The following RALYL variants were observed in gnomAD, a reference collection of about 807,000 sequenced individuals.
RALYL encodes RNA-binding Raly-like protein.
A neutral mutation model predicts 35.1 loss-of-function variants in RALYL; 29 were observed. The ratio of observed to expected loss-of-function variants is 0.83; its 90% CI spans 0.61 to 1.13. The LOEUF (loss-of-function observed/expected upper bound fraction) is 1.13. RALYL is among the 50% of genes most tolerant of loss of function. The pLI is 0.00. For synonymous variants in RALYL, 120 were observed against 127.6 expected (o/e 0.94, Z 0.40); for missense variants, 359 against 360.4 (o/e 1.00, Z 0.03).
At chr8:84,350,191 T>C (rs1054082214) in intron 1 of RALYL, among the ~76,000 whole-genome samples, 1 of 150,324 alleles carries the variant, frequency 6.7e-6, no homozygotes, top group South Asian at 2.1e-4. Context: ...ATGACCAATA[T>C]CCACCACAGT....
intron 4 of RALYL, among the ~76,000 whole-genome samples, chr8:84,836,979 G>A (rs1832149530): frequency 6.6e-6 from 1 of 152,074 alleles, no homozygotes; most frequent in Non-Finnish European, 1.5e-5. Flanking sequence ...CAGATTTCTT[G>A]ATCATCTAGA....
chr8:84,683,116 G>A (rs990772869), intron 2 of RALYL, among the ~76,000 whole-genome samples: 2 of 152,124 alleles, frequency 1.3e-5, no homozygotes, highest in African/African-American at 4.8e-5. Context: ...AGTCATTCAG[G>A]AGCAGGTTTT....
At position 84,838,697 on chromosome 8, in the gene RALYL, C is replaced by CA. The variant is rs60122835; in HGVS notation, c.366-11275dup. ...ATACATCTTAGCAGTCAGGATTGAA[C>CA]AAAAAAAAGCAGGTTGGACAAGATA... On this transcript the variant is annotated intron_variant, in intron 4 of 8. Coordinates refer to ENST00000521268, the MANE Select transcript of RALYL (RefSeq NM_173848.7). Among the ~76,000 whole-genome samples, 475 of 151,316 alleles carry CA rather than the reference C, an allele frequency of 3.1e-3. 2 individuals carry two copies. Among genetic ancestry groups the CA allele is most frequent in the African/African-American group, 0.011 (434 of 41,294 alleles).
chr8:84,447,205 GTTCTGAGGAC>G (rs1336152914), intron 1 of RALYL, among the ~76,000 whole-genome samples: 1 of 151,966 alleles, frequency 6.6e-6, no homozygotes, highest in African/African-American at 2.4e-5. Flanking sequence ...GTTGGATTTG[GTTCTGAGGAC>G]TTCTGTGCCA....
At chr8:84,489,040 T>C (rs1423997464) in intron 1 of RALYL, among the ~76,000 whole-genome samples, 1 of 152,024 alleles carries the variant, frequency 6.6e-6, no homozygotes, top group East Asian at 1.9e-4. Flanking sequence ...GATATCCACG[T>C]GTATTCACTA....
At chr8:84,813,223 T>G (rs1826322685) in intron 4 of RALYL, among the ~76,000 whole-genome samples, 2 of 152,100 alleles carry the variant, frequency 1.3e-5, no homozygotes, top group Non-Finnish European at 2.9e-5. Flanking sequence ...GAGAGGAGGA[T>G]CTCCCTTTCC....
intron 4 of RALYL, among the ~76,000 whole-genome samples, chr8:84,844,683 A>G (rs1213514659): frequency 1.3e-5 from 2 of 152,088 alleles, no homozygotes; most frequent in Non-Finnish European, 2.9e-5. Flanking sequence ...TGTTTATTGC[A>G]GCACTATTCA....
chr8:84,741,618 C>T (rs1807329937), intron 2 of RALYL, among the ~76,000 whole-genome samples: 1 of 151,950 alleles, frequency 6.6e-6, no homozygotes, highest in Non-Finnish European at 1.5e-5. Flanking sequence ...GCACTTATGA[C>T]TTAATCACCT....
chr8:84,777,071 T>C (rs375617571), intron 3 of RALYL, among the ~76,000 whole-genome samples: 7 of 152,262 alleles, frequency 4.6e-5, no homozygotes, highest in African/African-American at 1.7e-4. Context: ...GGACAAACTA[T>C]GCTTTCATAG....
chr8:84,296,224 G>A (rs1423805101), intron 1 of RALYL, among the ~76,000 whole-genome samples: 1 of 152,064 alleles, frequency 6.6e-6, no homozygotes, highest in Non-Finnish European at 1.5e-5. Flanking sequence ...TAACTTCAGG[G>A]TGTATAACCA....
intron 2 of RALYL, among the ~76,000 whole-genome samples, chr8:84,640,404 C>T (rs1025039261): frequency 5.9e-5 from 9 of 151,870 alleles, no homozygotes; most frequent in African/African-American, 2.2e-4. Flanking sequence ...ATTTACATAA[C>T]CTGAAAATTA....
chr8:84,206,740 G>A (rs964429455), intron 1 of RALYL, among the ~76,000 whole-genome samples: 4 of 152,124 alleles, frequency 2.6e-5, no homozygotes, highest in African/African-American at 7.2e-5. Flanking sequence ...ATTGTGGCGC[G>A]ACATTTAATC....
intron 2 of RALYL, among the ~76,000 whole-genome samples, chr8:84,530,531 A>G (rs2059210656): frequency 1.3e-5 from 2 of 152,000 alleles, no homozygotes; most frequent in Admixed American, 1.3e-4. Flanking sequence ...CCCATCATCA[A>G]GTTCGCTTGT....
chr8:84,718,434 C>T (rs1287505020), intron 2 of RALYL, among the ~76,000 whole-genome samples: 3 of 152,070 alleles, frequency 2.0e-5, no homozygotes, highest in Non-Finnish European at 4.4e-5. Flanking sequence ...ATAGTAAAGA[C>T]AGATTTTTTA....
intron 1 of RALYL, among the ~76,000 whole-genome samples, chr8:84,187,876 GT>G (rs747536188): frequency 2.0e-5 from 3 of 151,950 alleles, no homozygotes; most frequent in Non-Finnish European, 2.9e-5. Flanking sequence ...GTCATGTTTT[GT>G]TTACTGTTTA....
intron 1 of RALYL, among the ~76,000 whole-genome samples, chr8:84,481,144 A>G (rs2053996179): frequency 6.6e-6 from 1 of 152,176 alleles, no homozygotes; most frequent in Non-Finnish European, 1.5e-5. Context: ...AGGATCTGAG[A>G]ACAGGTCAAT....
In RALYL at chr8:84,192,733, T is replaced by C. The variant is rs1369707884; in HGVS notation, c.-24+8309T>C. ...CCAACATGCCCAGTTATTTTTTGTATATTTAGTAGAGACAGAGTTTCACCA... is the reference window on the plus strand; with the variant it reads ...CCAACATGCCCAGTTATTTTTTGTACATTTAGTAGAGACAGAGTTTCACCA... On this transcript the variant is annotated intron_variant, in intron 1 of 8. Transcript: ENST00000521268. Among the ~76,000 whole-genome samples, 3 of 151,774 alleles carry C rather than the reference T, an allele frequency of 2.0e-5. No homozygotes were observed. The East Asian group carries it at 5.9e-4, about 30-fold the overall frequency.
intron 4 of RALYL, among the ~76,000 whole-genome samples, chr8:84,814,218 T>A (rs1442495015): frequency 1.3e-5 from 2 of 152,126 alleles, no homozygotes; most frequent in Non-Finnish European, 2.9e-5. Context: ...TATTTATGTA[T>A]CATGTTCTAA....
chr8:84,519,884 C>G (rs2058334308), intron 1 of RALYL, among the ~76,000 whole-genome samples: 1 of 152,150 alleles, frequency 6.6e-6, no homozygotes. Flanking sequence ...TGACCAGTCA[C>G]CAAACAATGT....
Sources: gnomAD v4.1 joint callset for allele counts (sites outside exome capture counted in the v4.1 genomes callset) on GRCh38, gnomAD v4.1.1 for gene constraint, MANE v1.5 for transcripts, NCBI Gene and HGNC (gene_info 2026-07-23, HGNC 2026-07-21) for gene names.